TBC1D26: variants seen among roughly 807,000 people sequenced by gnomAD.
TBC1D26 encodes the protein TBC1 domain family member 26.
TBC1D26 carries 19 observed loss-of-function variants against 42.5 expected under a neutral mutation model. The ratio of observed to expected loss-of-function variants is 0.45; its 90% CI spans 0.31 to 0.66. TBC1D26 has a LOEUF of 0.66. TBC1D26 is among the 30% of genes least tolerant of loss of function. TBC1D26 has a pLI of 0.06. For missense variants in TBC1D26, 228 were observed against 332.6 expected (o/e 0.69, Z 2.45); for synonymous variants, 97 against 123.5 (o/e 0.79, Z 1.42).
Position 15,742,039 on chromosome 17 carries a change from G to C in TBC1D26, c.741+3G>C. The C allele has an allele frequency of 2.5e-6, 4 of 1,613,498 alleles. No individual in the cohort carries two copies. Among genetic ancestry groups the C allele is most frequent in the Non-Finnish European group, 3.4e-6 (4 of 1,179,566 alleles). On this transcript the variant is annotated splice_donor_region_variant and intron_variant, in intron 11 of 14. Transcript: ENST00000437605. ...TCCCAAAGATCATGAGACACCTGGT[G>C]AGTGGATGACACCCTCAGCTCCTAA...
At chr17:15,742,097 G>A (rs1967804025) in intron 11 of TBC1D26, 61 bp downstream of exon 11, 1 of 1,450,968 alleles carries the variant, frequency 6.9e-7, no homozygotes, top group Non-Finnish European at 9.5e-7. Flanking sequence ...GCCAGGGGAG[G>A]CTCAAGTCCC....
rs1967866854 is a variant in TBC1D26 at position 15,744,449 on chromosome 17, A to T, written c.1264A>T (p.Lys422Ter). ...PAADQSQKEM[K>*]CECMAFLTPR... ...AGCAGACCAGTCACAAAAAGAGATG[A>T]AATGTGAGTGCATGGCCTTCCTGAC... Residue 422 changes from lysine to a stop codon, truncating the protein, a stop_gained, in exon 15 of 15, where the codon AAA becomes TAA. Coordinates refer to ENST00000437605, the MANE Select transcript of TBC1D26 (RefSeq NM_001388465.1). LOFTEE classifies it high-confidence loss of function. 1 of 152,188 alleles carries T rather than the reference A, an allele frequency of 6.6e-6. No individual in the cohort carries two copies. The highest frequency in any genetic ancestry group is 6.5e-5 in the Admixed American group (1 of 15,280). 9.4% of individuals were successfully genotyped at this position (152,188 alleles called of 1,614,324 possible).
rs1326078802 is a variant in TBC1D26, at chr17:15,741,149, C to G, written c.574C>G (p.Arg192Gly). Reference sequence around the variant, plus strand: ...GGTGGGCTACCACAGGGACCTGAGCCGCATCACTGCCATCCTCCTCCTGTG... The same window carrying G: ...GGTGGGCTACCACAGGGACCTGAGCGGCATCACTGCCATCCTCCTCCTGTG... ...PEVGYHRDLS[R>G]ITAILLLCLP... The change falls in exon 10 of 15, where the codon CGC becomes GGC. Residue 192 changes from arginine to glycine, a missense_variant. Around this residue, in one of 5 missense-constraint regions of TBC1D26, gnomAD observed 130 missense variants for 168.5 expected, o/e 0.77. Transcript: ENST00000437605. 4 of 1,612,836 alleles carry G rather than the reference C, an allele frequency of 2.5e-6. No homozygotes were observed. Among genetic ancestry groups the G allele is most frequent in the Non-Finnish European group, 3.4e-6 (4 of 1,179,972 alleles).
intron 10 of TBC1D26, chr17:15,741,623 T>A (rs1967783514): frequency 2.1e-6 from 1 of 475,510 alleles, no homozygotes; most frequent in African/African-American, 1.9e-5. Context: ...TGTCTGCCCA[T>A]CCCATGTCCC....
At chr17:15,742,268 A>C (rs1358787111) in intron 11 of TBC1D26, 146 bp from the exon 12 acceptor site, 3 of 548,438 alleles carry the variant, frequency 5.5e-6, no homozygotes, top group Non-Finnish European at 3.3e-6. Context: ...AAGTGTGTCC[A>C]CCGGGCGTCC....
chr17:15,735,595 AGG>A lies in TBC1D26; in HGVS notation c.76_77del (p.Gly26ThrfsTer12), dbSNP rs1567723029. 1 of 838,716 alleles carries A rather than the reference AGG, an allele frequency of 1.2e-6. No individual in the cohort carries two copies. Among genetic ancestry groups the A allele is most frequent in the Non-Finnish European group, 1.9e-6 (1 of 533,898 alleles). The allele number at this position is 838,716 out of a possible 1,614,324, so 52.0% of individuals were successfully genotyped here. ...ACTATCCTGGCCTCCTCTGGGTTTC[AGG>A]GACACCGAGCTGGGGCAGCAGTGGA... On this transcript the variant is annotated splice_acceptor_variant and coding_sequence_variant, in exon 4 of 15. Transcript: ENST00000437605. LOFTEE classifies it high-confidence loss of function.
chr17:15,739,637 A>T (rs186965210), intron 8 of TBC1D26, among the ~76,000 whole-genome samples: 645 of 151,764 alleles, frequency 4.3e-3, no homozygotes, highest in Admixed American at 7.6e-3. Context: ...GAAAGGGCAA[A>T]CCATAGAGAC....
intron 10 of TBC1D26, 165 bp downstream of exon 10, chr17:15,741,386 A>G: frequency 7.7e-7 from 1 of 1,296,898 alleles, no homozygotes; most frequent in Non-Finnish European, 1.1e-6. Context: ...GAGGTCCTAC[A>G]GCAGCCTGGG....
rs765800391 is a variant in TBC1D26, at chr17:15,738,356, G to T, written c.356G>T (p.Arg119Ile). The part of the protein sequence containing the change: ...RAWSLLLDID[R>I]IKSQNPGKYK... ...TGGTCACTTTTGCTAGATATTGACA[G>T]AATCAAGTCCCAGAACCCAGGCAAA... Residue 119 changes from arginine to isoleucine, a missense_variant, in exon 7 of 15, where the codon AGA (arginine) becomes ATA (isoleucine). Physicochemically the swap from Arg to Ile is moderately conservative, Grantham distance 97. Coordinates refer to ENST00000437605, the MANE Select transcript of TBC1D26 (RefSeq NM_001388465.1). 11 of 1,613,426 alleles carry T rather than the reference G, an allele frequency of 6.8e-6. 1 individual carries two copies. In the South Asian group the frequency reaches 1.2e-4, roughly 18 times the overall value.
chr17:15,741,200 G>A lies in TBC1D26; in HGVS notation c.625G>A (p.Ala209Thr), dbSNP rs1183468277. The A allele has an allele frequency of 1.2e-6, 2 of 1,613,718 alleles. No individual in the cohort carries two copies. The highest frequency in any genetic ancestry group is 3.3e-5 in the Admixed American group (2 of 60,012). Residue 209 changes from alanine to threonine, a missense_variant, in exon 10 of 15, where the codon GCG becomes ACG. By Grantham distance (58) the Ala-to-Thr change is moderately conservative. Around this residue, in one of 5 missense-constraint regions of TBC1D26, gnomAD observed 130 missense variants for 168.5 expected, o/e 0.77. Transcript: ENST00000437605. ...LCLPEEDAFW[A>T]LTQLLAVFYS... ...TCTGCCAGAGGAAGATGCTTTCTGG[G>A]CGCTTACCCAGTTGCTCGCTGGTGA...
At chr17:15,737,580 T>C (rs1375156654) in intron 5 of TBC1D26, 57 bp downstream of exon 5, 3 of 1,604,940 alleles carry the variant, frequency 1.9e-6, no homozygotes, top group Admixed American at 3.4e-5. Context: ...AATCGGGTGG[T>C]CGGTAAGGCA....
rs559191254 is a variant in TBC1D26 at position 15,740,773 on chromosome 17, C to T, written c.547-349C>T. ...TGGTCAGCGCCCCGCTGCCTGCCCTCGTGGCAGGTGCAGTTCACAGGTGCT... is the reference window on the plus strand; with the variant it reads ...TGGTCAGCGCCCCGCTGCCTGCCCTTGTGGCAGGTGCAGTTCACAGGTGCT... On this transcript the variant is annotated intron_variant, in intron 9 of 14. Coordinates refer to ENST00000437605, the MANE Select transcript of TBC1D26 (RefSeq NM_001388465.1). The T allele has an allele frequency of 2.5e-5, 24 of 960,382 alleles. No individual in the cohort carries two copies. The East Asian group carries it at 1.0e-3, about 40-fold the overall frequency. The allele number at this position is 960,382 out of a possible 1,614,324, so 59.5% of individuals were successfully genotyped here.
chr17:15,738,669 G>A (rs942297593), intron 7 of TBC1D26, 52 bp from the exon 8 acceptor site: 98 of 1,613,192 alleles, frequency 6.1e-5, no homozygotes, highest in East Asian at 8.9e-5. Flanking sequence ...TTGGGGCAGG[G>A]AGTCTTTTGT....
rs1374370414 is a variant in TBC1D26 at position 15,735,447 on chromosome 17, A to G, written c.75+24A>G. The G allele has an allele frequency of 2.5e-6, 4 of 1,604,474 alleles. No homozygotes were observed. The Admixed American group carries it at 5.1e-5, about 20-fold the overall frequency. On this transcript the variant is annotated intron_variant, in intron 3 of 14. Coordinates refer to ENST00000437605, the MANE Select transcript of TBC1D26 (RefSeq NM_001388465.1). ...AGGTACAAGTTGGGCCGCTCCCTCA[A>G]GGGAAGCAGGGCCTCGCCTCTCCCG...
Position 15,735,232 on chromosome 17 carries a change from G to C in TBC1D26, c.-1-116G>C, listed in dbSNP as rs557119938. On this transcript the variant is annotated intron_variant, in intron 2 of 14. Coordinates refer to ENST00000437605, the MANE Select transcript of TBC1D26 (RefSeq NM_001388465.1). ...AGTCTGGCCCCTGTCATCTGGGAGG[G>C]GTAGTGGAATGGGGCTCACCAGACT... 7.4e-6 allele frequency: 8 copies of C among 1,083,552 alleles called. No homozygotes were observed. In the South Asian group the frequency reaches 1.1e-4, roughly 15 times the overall value. 67.1% of individuals were successfully genotyped at this position (1,083,552 alleles called of 1,614,324 possible). A position where few individuals can be genotyped will look rare whatever the true frequency, so the allele number is the denominator to read the frequency against.
At chr17:15,738,232 C>A in intron 6 of TBC1D26, 48 bp from the exon 7 acceptor site, 1 of 1,609,826 alleles carries the variant, frequency 6.2e-7, no homozygotes, top group Non-Finnish European at 8.5e-7. Context: ...CTTTGCTCTG[C>A]GGGGTCGCCC....
intron 12 of TBC1D26, 122 bp from the exon 13 acceptor site, chr17:15,742,787 G>A (rs562942138): frequency 6.5e-6 from 1 of 153,024 alleles, no homozygotes; most frequent in African/African-American, 2.4e-5. Flanking sequence ...GTCTTTTGGG[G>A]GTCTCATCCC....
intron 3 of TBC1D26, 37 bp downstream of exon 3, chr17:15,735,460 C>T (rs1428525411): frequency 6.3e-7 from 1 of 1,590,612 alleles, no homozygotes; most frequent in Non-Finnish European, 8.6e-7. Flanking sequence ...GAAGCAGGGC[C>T]TCGCCTCTCC....
intron 10 of TBC1D26, 170 bp downstream of exon 10, chr17:15,741,391 C>T (rs1351125265): frequency 8.9e-6 from 11 of 1,237,284 alleles, no homozygotes; most frequent in Non-Finnish European, 1.0e-5. Context: ...CCTACAGCAG[C>T]CTGGGTCTGG....
Sources: allele counts gnomAD v4.1 joint callset (sites outside exome capture counted in the v4.1 genomes callset), GRCh38; gene constraint gnomAD v4.1.1; regional missense constraint gnomAD v4.1.1; transcripts MANE v1.5; gene names NCBI Gene and HGNC (gene_info 2026-07-23, HGNC 2026-07-21).